HACL1: variants seen among roughly 807,000 people sequenced by gnomAD.
HACL1 encodes 1600020H07Rik.
A neutral mutation model predicts 74.2 loss-of-function variants in HACL1; 64 were observed. The ratio of observed to expected loss-of-function variants is 0.86; its 90% CI spans 0.70 to 1.06. HACL1 has a LOEUF of 1.06. Among genes scored for constraint, HACL1 ranks in the 50% least tolerant of loss-of-function variants. The pLI, the probability that HACL1 is intolerant of heterozygous loss-of-function variation, is 0.00. For synonymous variants in HACL1, 230 were observed against 238.8 expected, an observed-to-expected ratio of 0.96 and a Z score of 0.34; for missense variants, 728 against 719.7, an observed-to-expected ratio of 1.01 and a Z score of -0.13.
rs891588426 is a variant in HACL1 at position 15,589,688 on chromosome 3, C to T, written c.309-76G>A. The T allele has an allele frequency of 1.3e-5, 11 of 867,706 alleles. No individual in the cohort carries two copies. The Admixed American group carries it at 2.1e-4, about 16-fold the overall frequency. The allele number at this position is 867,706 out of a possible 1,614,324, so 53.8% of individuals were successfully genotyped here. ...AAAACACTAAACACAGTGTCTAATT[C>T]ACAACAAATAATAAATGTTAAAGGG... is the stretch of plus-strand genomic sequence containing the variant. On this transcript the variant is annotated intron_variant, in intron 4 of 16. Coordinates refer to ENST00000321169, the MANE Select transcript of HACL1 (RefSeq NM_012260.4).
At chr3:15,591,855 T>C (rs1194210498) in intron 3 of HACL1, among the ~76,000 whole-genome samples, 175 bp from the exon 4 acceptor site, 3 of 151,058 alleles carry the variant, frequency 2.0e-5, no homozygotes, top group African/African-American at 7.3e-5. Flanking sequence ...GATATATATA[T>C]ATCGCGATAT....
chr3:15,566,478 G>A (rs953755670), intron 14 of HACL1, among the ~76,000 whole-genome samples: 1 of 152,100 alleles, frequency 6.6e-6, no homozygotes, highest in African/African-American at 2.4e-5. Flanking sequence ...ATATGGCAAA[G>A]CCCTGTCTCT....
chr3:15,596,613 A>G (rs1414949459), intron 2 of HACL1, among the ~76,000 whole-genome samples, 189 bp from the exon 3 acceptor site: 1 of 152,224 alleles, frequency 6.6e-6, no homozygotes, highest in Non-Finnish European at 1.5e-5. Context: ...GTTTTTCAGG[A>G]AATTTGTTCA....
intron 5 of HACL1, among the ~76,000 whole-genome samples, chr3:15,587,898 T>A (rs1409869628): frequency 6.6e-6 from 1 of 152,204 alleles, no homozygotes; most frequent in Non-Finnish European, 1.5e-5. Context: ...ATTTTATTTA[T>A]GTATTTATTT....
rs368335706 is a variant in HACL1, at chr3:15,596,428, C to T, written c.187-4G>A. The T allele has an allele frequency of 1.7e-4, 264 of 1,588,460 alleles. No individual in the cohort carries two copies. Among genetic ancestry groups the T allele is most frequent in the Middle Eastern group, 1.2e-3 (7 of 6,004 alleles). On this transcript the variant is annotated splice_region_variant and splice_polypyrimidine_tract_variant and intron_variant, in intron 2 of 16. Transcript: ENST00000321169. ...TCGCGGAGGCAGCATAACAAGCCTA[C>T]GAGAAAACAACACTGGGACTTGAGC...
intron 3 of HACL1, among the ~76,000 whole-genome samples, chr3:15,593,479 A>G (rs1337118504): frequency 6.6e-6 from 1 of 152,050 alleles, no homozygotes; most frequent in Non-Finnish European, 1.5e-5. Flanking sequence ...TTGGCCTCCC[A>G]AAGTGCTGGG....
rs116064500 is a variant in HACL1, at chr3:15,590,164, T to C, written c.309-552A>G. ...TTCCTTCCCTTCTTCCCCTTCCCCT[T>C]TTGGATGCTGACGCTAAGCTTCCAG... On this transcript the variant is annotated intron_variant, in intron 4 of 16. Coordinates refer to ENST00000321169, the MANE Select transcript of HACL1 (RefSeq NM_012260.4). Among the ~76,000 whole-genome samples the C allele has an allele frequency of 9.2e-3, 1,399 of 152,222 alleles. 17 individuals carry two copies. Among genetic ancestry groups the C allele is most frequent in the African/African-American group, 0.032 (1,336 of 41,550 alleles).
chr3:15,566,165 C>T (rs549996109), intron 14 of HACL1, among the ~76,000 whole-genome samples: 2 of 152,194 alleles, frequency 1.3e-5, no homozygotes, highest in South Asian at 4.1e-4. Flanking sequence ...TTTGCCAACC[C>T]CAAAACATGA....
intron 2 of HACL1, among the ~76,000 whole-genome samples, chr3:15,599,220 C>G (rs1272562900): frequency 1.3e-5 from 2 of 152,232 alleles, no homozygotes; most frequent in African/African-American, 4.8e-5. Flanking sequence ...CCCTTAAAGC[C>G]AGGAACTATC....
chr3:15,564,753 C>A, intron 14 of HACL1, 95 bp from the exon 15 acceptor site: 2 of 580,924 alleles, frequency 3.4e-6, no homozygotes, highest in Non-Finnish European at 3.1e-6. Context: ...TGAATAGTTT[C>A]CTATAAGCTT....
chr3:15,583,456 C>T (rs1040594166), intron 7 of HACL1, among the ~76,000 whole-genome samples: 1 of 152,028 alleles, frequency 6.6e-6, no homozygotes, highest in Admixed American at 6.6e-5. Context: ...GCCATTTATT[C>T]TCATTTAACT....
chr3:15,592,515 T>TACAC (rs2063954288), intron 3 of HACL1, among the ~76,000 whole-genome samples: 1 of 146,210 alleles, frequency 6.8e-6, no homozygotes, highest in Non-Finnish European at 1.5e-5. Flanking sequence ...TATATACACT[T>TACAC]GTATACATAT....
intron 16 of HACL1, among the ~76,000 whole-genome samples, chr3:15,561,872 G>A (rs908849233): frequency 2.4e-4 from 36 of 152,130 alleles, no homozygotes; most frequent in Admixed American, 1.6e-3. Context: ...GTAGAGACAG[G>A]TTTCACCATG....
At chr3:15,581,252 C>T (rs1466411485) in intron 8 of HACL1, among the ~76,000 whole-genome samples, 1 of 152,216 alleles carries the variant, frequency 6.6e-6, no homozygotes, top group Non-Finnish European at 1.5e-5. Flanking sequence ...ACCCTCTGCC[C>T]TATTCCCTTG....
chr3:15,573,464 CTA>C (rs1356584055), intron 10 of HACL1, among the ~76,000 whole-genome samples: 1 of 152,224 alleles, frequency 6.6e-6, no homozygotes, highest in Non-Finnish European at 1.5e-5. Flanking sequence ...AAAATCTACT[CTA>C]TGGAATTTTG....
At chr3:15,593,394 T>G (rs530807610) in intron 3 of HACL1, among the ~76,000 whole-genome samples, 6 of 151,922 alleles carry the variant, frequency 3.9e-5, no homozygotes, top group African/African-American at 1.4e-4. Flanking sequence ...TTTGTATTTT[T>G]TTTTGGTAGA....
At chr3:15,578,594 T>G (rs1311040252) in intron 9 of HACL1, among the ~76,000 whole-genome samples, 1 of 152,212 alleles carries the variant, frequency 6.6e-6, no homozygotes, top group Non-Finnish European at 1.5e-5. Flanking sequence ...AAAGGGCCAC[T>G]GCAAGCTGGA....
chr3:15,590,016 C>T (rs1053974867), intron 4 of HACL1, among the ~76,000 whole-genome samples: 1 of 151,820 alleles, frequency 6.6e-6, no homozygotes, highest in African/African-American at 2.4e-5. Context: ...GCCTGGGCAA[C>T]AGAGCAAGAC....
At chr3:15,598,523 T>A (rs2125297465) in intron 2 of HACL1, among the ~76,000 whole-genome samples, 1 of 152,288 alleles carries the variant, frequency 6.6e-6, no homozygotes, top group African/African-American at 2.4e-5. Flanking sequence ...TGAAAATAAT[T>A]CAAAGCACTG....
Sources: gnomAD v4.1 joint callset for allele counts (sites outside exome capture counted in the v4.1 genomes callset) on GRCh38, gnomAD v4.1.1 for gene constraint, MANE v1.5 for transcripts, NCBI Gene and HGNC (gene_info 2026-07-23, HGNC 2026-07-21) for gene names.